Variants in TLL2 observed in about 807,000 individuals in gnomAD.
TLL2 encodes the protein tolloid-like protein 2.
A neutral mutation model predicts 123.0 loss-of-function variants in TLL2; 106 were observed. The observed-to-expected ratio is 0.86, with a 90% CI of 0.74 to 1.01. TLL2 has a LOEUF of 1.01. TLL2 is among the 50% of genes least tolerant of loss of function. The pLI, the probability that TLL2 is intolerant of heterozygous loss-of-function variation, is 0.00. For missense variants in TLL2, 1,332 were observed against 1,336.7 expected (o/e 1.00, Z 0.06); for synonymous variants, 494 against 516.8 (o/e 0.96, Z 0.60).
chr10:96,508,555 T>G lies in TLL2; in HGVS notation c.175+4956A>C, dbSNP rs531794582. Reference sequence around the variant, plus strand: ...GAAGGCCCTGGTATTTACCAAGCCATCCACTGAAAAGTGAAGCTGGCTATC... The same window carrying G: ...GAAGGCCCTGGTATTTACCAAGCCAGCCACTGAAAAGTGAAGCTGGCTATC... On this transcript the variant is annotated intron_variant, in intron 1 of 20. Transcript: ENST00000357947. Among the ~76,000 whole-genome samples, 294 of 152,250 alleles carry G rather than the reference T, an allele frequency of 1.9e-3. 3 individuals carry two copies. The highest frequency in any genetic ancestry group is 6.8e-3 in the African/African-American group (282 of 41,544).
intron 4 of TLL2, 124 bp from the exon 5 acceptor site, chr10:96,428,872 T>C (rs1846707143): frequency 3.3e-6 from 2 of 611,768 alleles, no homozygotes; most frequent in African/African-American, 1.9e-5. Context: ...TAGTGCGATC[T>C]CGGCTCACTG....
intron 7 of TLL2, among the ~76,000 whole-genome samples, chr10:96,415,066 G>A (rs1846540797): frequency 1.3e-5 from 2 of 152,156 alleles, no homozygotes; most frequent in Non-Finnish European, 2.9e-5. Flanking sequence ...AGAATGCAAG[G>A]GGAGGCACGT....
chr10:96,486,257 T>C (rs897072256), intron 1 of TLL2, among the ~76,000 whole-genome samples: 8 of 152,218 alleles, frequency 5.3e-5, no homozygotes, highest in Non-Finnish European at 8.8e-5. Context: ...TTTAACTACC[T>C]TTTGGAATAG....
intron 2 of TLL2, among the ~76,000 whole-genome samples, chr10:96,476,240 A>ATATATATATATATATTCTTTTTTT: frequency 4.9e-5 from 1 of 20,498 alleles, no homozygotes; most frequent in South Asian, 1.7e-3. Context: ...ATATATATAT[A>ATATATATATATATATTCTTTTTTT]TTTTATTTTT....
At chr10:96,422,378 G>A (rs1157052408) in intron 6 of TLL2, among the ~76,000 whole-genome samples, 171 bp downstream of exon 6, 1 of 152,178 alleles carries the variant, frequency 6.6e-6, no homozygotes, top group African/African-American at 2.4e-5. Context: ...GGAAGCCACA[G>A]ATGGACAGTG....
intron 2 of TLL2, among the ~76,000 whole-genome samples, chr10:96,454,320 G>C (rs935319831): frequency 2.0e-5 from 3 of 152,194 alleles, no homozygotes; most frequent in Non-Finnish European, 4.4e-5. Context: ...TCCTGCCTGG[G>C]TCCTGGCACT....
At chr10:96,380,191 C>T (rs1322515341) in intron 16 of TLL2, among the ~76,000 whole-genome samples, 1 of 152,176 alleles carries the variant, frequency 6.6e-6, no homozygotes, top group African/African-American at 2.4e-5. Flanking sequence ...AGTGCTGGCC[C>T]TTGTTAAACT....
In TLL2 at chr10:96,428,672, C is replaced by G. The variant is rs141217387; in HGVS notation, c.597G>C (p.Thr199=). The stretch of plus-strand genomic sequence containing the variant: ...TGAATACAATAAAGCTTTCCTCATC[C>G]GTCCTTTCTATGAAGGTCACACAGG... The part of the protein sequence containing the change: ...KHTCVTFIER[T]DEESFIVFSY... Residue 199 remains threonine, a synonymous_variant, in exon 5 of 21, where the codon ACG becomes ACC. Coordinates refer to ENST00000357947, the MANE Select transcript of TLL2 (RefSeq NM_012465.4). The G allele has an allele frequency of 1.2e-6, 2 of 1,613,968 alleles. No homozygotes were observed. The highest frequency in any genetic ancestry group is 2.2e-5 in the East Asian group (1 of 44,898).
chr10:96,387,104 G>C, intron 13 of TLL2, 26 bp from the exon 14 acceptor site: 1 of 1,606,988 alleles, frequency 6.2e-7, no homozygotes, highest in South Asian at 1.1e-5. Flanking sequence ...GGTGACCCCG[G>C]TTACATTGTC....
intron 1 of TLL2, 75 bp from the exon 2 acceptor site, chr10:96,480,534 G>T: frequency 8.3e-7 from 1 of 1,202,720 alleles, no homozygotes; most frequent in Non-Finnish European, 1.2e-6. Flanking sequence ...GCCCCAAAGG[G>T]CATTGGGTGT....
chr10:96,430,948 A>AT (rs1431420962), intron 4 of TLL2, among the ~76,000 whole-genome samples: 1 of 152,138 alleles, frequency 6.6e-6, no homozygotes, highest in African/African-American at 2.4e-5. Flanking sequence ...TTAACTGTCC[A>AT]TTTTTTTTCT....
chr10:96,386,404 G>A (rs1846235249), intron 14 of TLL2, among the ~76,000 whole-genome samples, 189 bp from the exon 15 acceptor site: 1 of 152,186 alleles, frequency 6.6e-6, no homozygotes, highest in African/African-American at 2.4e-5. Flanking sequence ...AACAAAATTG[G>A]GGATAAATCT....
At chr10:96,485,280 T>C (rs1847346382) in intron 1 of TLL2, among the ~76,000 whole-genome samples, 1 of 152,122 alleles carries the variant, frequency 6.6e-6, no homozygotes, top group African/African-American at 2.4e-5. Context: ...ATAAATAAAT[T>C]AGATTTAATC....
intron 9 of TLL2, among the ~76,000 whole-genome samples, chr10:96,409,332 G>A (rs756562948): frequency 6.6e-6 from 1 of 152,206 alleles, no homozygotes; most frequent in African/African-American, 2.4e-5. Context: ...TGACTATACC[G>A]TGAGACATGC....
At chr10:96,373,564 T>G (rs1846104510) in intron 19 of TLL2, 32 bp downstream of exon 19, 16 of 1,599,908 alleles carry the variant, frequency 1.0e-5, no homozygotes, top group Admixed American at 3.3e-5. Flanking sequence ...CAAGTGCTCA[T>G]CAGGTGGAAG....
In TLL2 at chr10:96,405,220, A is replaced by C. The variant is rs1367322148; in HGVS notation, c.1267+12T>G. On this transcript the variant is annotated intron_variant, in intron 10 of 20. Coordinates refer to ENST00000357947, the MANE Select transcript of TLL2 (RefSeq NM_012465.4). ...ATCACTCCTCTCTTAACGGTGTCTAAAGTCAACTTACCCAAAAGGGGGGCT... is the reference window on the plus strand; with the variant it reads ...ATCACTCCTCTCTTAACGGTGTCTACAGTCAACTTACCCAAAAGGGGGGCT... 1 of 1,613,174 alleles carries C rather than the reference A, an allele frequency of 6.2e-7. No individual in the cohort carries two copies. Among genetic ancestry groups the C allele is most frequent in the East Asian group, 2.2e-5 (1 of 44,868 alleles).
At chr10:96,441,737 G>A (rs1302132276) in intron 3 of TLL2, among the ~76,000 whole-genome samples, 1 of 152,204 alleles carries the variant, frequency 6.6e-6, no homozygotes, top group Non-Finnish European at 1.5e-5. Context: ...TAAGGGCTCA[G>A]TGTGAGCTGC....
chr10:96,485,746 A>T (rs1847349283), intron 1 of TLL2, among the ~76,000 whole-genome samples: 1 of 152,224 alleles, frequency 6.6e-6, no homozygotes, highest in Non-Finnish European at 1.5e-5. Flanking sequence ...TCTGACTGTC[A>T]TCTAGAACTC....
intron 5 of TLL2, among the ~76,000 whole-genome samples, chr10:96,426,194 TG>T (rs1373063950): frequency 6.6e-6 from 1 of 152,112 alleles, no homozygotes; most frequent in Admixed American, 6.5e-5. Context: ...TTCCTAATGT[TG>T]AACTAATCTT....
Sources: allele counts gnomAD v4.1 joint callset (sites outside exome capture counted in the v4.1 genomes callset), GRCh38; gene constraint gnomAD v4.1.1; transcripts MANE v1.5; gene names NCBI Gene and HGNC (gene_info 2026-07-23, HGNC 2026-07-21).